LUC7L2: variants seen among roughly 807,000 people sequenced by gnomAD.
LUC7L2 encodes putative RNA-binding protein Luc7-like 2.
LUC7L2 carries 25 observed loss-of-function variants against 52.8 expected under a neutral mutation model. The ratio of observed to expected loss-of-function variants is 0.47; its 90% CI spans 0.34 to 0.66. The LOEUF is 0.66. Ranked by LOEUF, LUC7L2 falls within the 30% of genes least tolerant of loss-of-function variation. The pLI, the probability that LUC7L2 is intolerant of heterozygous loss-of-function variation, is 0.01. For synonymous variants in LUC7L2, 144 were observed against 160.9 expected (o/e 0.89, Z 0.80); for missense variants, 328 against 497.8 (o/e 0.66, Z 3.25).
At chr7:139,344,912 A>G (rs1364346698) in intron 1 of LUC7L2, 1 of 144,830 alleles carries the variant, frequency 6.9e-6, no homozygotes. Context: ...ACAGGGTTTC[A>G]CCGTGTTAGC....
intron 1 of LUC7L2, chr7:139,340,574 T>C: frequency 2.5e-6 from 1 of 397,884 alleles, no homozygotes; most frequent in East Asian, 3.6e-5. Context: ...ACTCCCAGCA[T>C]ACGTCACCCC....
intron 4 of LUC7L2, among the ~76,000 whole-genome samples, chr7:139,404,232 G>A (rs1366256590): frequency 1.3e-5 from 2 of 152,120 alleles, no homozygotes; most frequent in Non-Finnish European, 2.9e-5. Context: ...ACCTTCGGCC[G>A]GGCGTGGTGG....
At chr7:139,377,102 T>C (rs1443799333) in intron 2 of LUC7L2, among the ~76,000 whole-genome samples, 1 of 152,228 alleles carries the variant, frequency 6.6e-6, no homozygotes, top group African/African-American at 2.4e-5. Context: ...CTAAGTTTAT[T>C]TTAAAGTATA....
At chr7:139,405,828 G>A in intron 5 of LUC7L2, 41 bp downstream of exon 5, 1 of 1,549,366 alleles carries the variant, frequency 6.5e-7, no homozygotes, top group South Asian at 1.3e-5. Flanking sequence ...GCTTAATTTG[G>A]TAAGACTACA....
Position 139,362,753 on chromosome 7 carries a change from A to G in LUC7L2, c.61+2431A>G, listed in dbSNP as rs571855439. Among the ~76,000 whole-genome samples the G allele has an allele frequency of 6.1e-4, 93 of 151,910 alleles. 1 individual carries two copies. The highest frequency in any genetic ancestry group is 2.2e-3 in the African/African-American group (92 of 41,394). The stretch of plus-strand genomic sequence containing the variant: ...TGTGAAGGAATCTGAAGTGGCACAG[A>G]GTCCTGGGGCTTTGGGAAAACATTA... On this transcript the variant is annotated intron_variant, in intron 1 of 9. Transcript: ENST00000354926.
chr7:139,360,159 C>T lies in LUC7L2; in HGVS notation c.-103C>T, dbSNP rs1799788189. The T allele has an allele frequency of 3.5e-6, 3 of 866,810 alleles. No homozygotes were observed. Among genetic ancestry groups the T allele is most frequent in the Non-Finnish European group, 5.2e-6 (3 of 577,314 alleles). 53.7% of individuals were successfully genotyped at this position (866,810 alleles called of 1,614,324 possible). A position where few individuals can be genotyped will look rare whatever the true frequency, so the allele number is the denominator to read the frequency against. On this transcript the variant is annotated 5_prime_UTR_variant, in exon 1 of 10. Coordinates refer to ENST00000354926, the MANE Select transcript of LUC7L2 (RefSeq NM_016019.5). ...CACGCCTCGAGGCGGCGGCGGCCAC[C>T]GAGACAGCAGCGCACCTTCCCCCAT...
At chr7:139,380,715 C>T (rs912773354) in intron 2 of LUC7L2, among the ~76,000 whole-genome samples, 1 of 152,214 alleles carries the variant, frequency 6.6e-6, no homozygotes, top group Admixed American at 6.5e-5. Context: ...GCTAAACTCA[C>T]TGTAGGCAGT....
At chr7:139,407,574 G>A (rs558354419) in intron 6 of LUC7L2, among the ~76,000 whole-genome samples, 104 of 152,184 alleles carry the variant, frequency 6.8e-4, no homozygotes, top group Non-Finnish European at 1.4e-3. Flanking sequence ...TTTTATATTA[G>A]ATATGACACC....
chr7:139,397,558 C>A (rs1266312821), intron 2 of LUC7L2, among the ~76,000 whole-genome samples: 1 of 152,176 alleles, frequency 6.6e-6, no homozygotes, highest in African/African-American at 2.4e-5. Context: ...TTTTTACCAA[C>A]CCTCCAGAGA....
rs1795269511 is a variant in LUC7L2 at position 139,409,626 on chromosome 7, G to C, written c.751G>C (p.Glu251Gln). 5.0e-6 allele frequency: 8 copies of C among 1,611,392 alleles called. No individual in the cohort carries two copies. Among genetic ancestry groups the C allele is most frequent in the Non-Finnish European group, 6.8e-6 (8 of 1,178,542 alleles). The part of the protein sequence containing the change: ...QERLKRREER[E>Q]REEREKLRRS... ...ACGGCTGAAACGAAGAGAAGAGAGA[G>C]AGAGAGAAGAAAGGGAGAAGCTGAG... The change falls in exon 7 of 10, where the codon GAG (glutamate) becomes CAG (glutamine). Residue 251 changes from glutamate (E) to glutamine (Q), a missense_variant. Glu to Gln is a conservative substitution (Grantham distance 29, BLOSUM62 2). Coordinates refer to ENST00000354926, the MANE Select transcript of LUC7L2 (RefSeq NM_016019.5).
chr7:139,423,071 GTTTTA>G lies in LUC7L2; in HGVS notation c.*736_*740del, dbSNP rs538777581. The G allele has an allele frequency of 2.6e-4, 103 of 398,876 alleles. No homozygotes were observed. The highest frequency in any genetic ancestry group is 7.8e-4 in the East Asian group (22 of 28,072). 24.7% of individuals were successfully genotyped at this position (398,876 alleles called of 1,614,324 possible). Reference sequence around the variant, plus strand: ...GGGACTCTTTTCGTAATAAGCACTTGTTTTATTTTGTGTGTGTGGAGTATAAAGGC... The same window carrying G: ...GGGACTCTTTTCGTAATAAGCACTTGTTTTGTGTGTGTGGAGTATAAAGGC... On this transcript the variant is annotated 3_prime_UTR_variant, in exon 10 of 10. Coordinates refer to ENST00000354926, the MANE Select transcript of LUC7L2 (RefSeq NM_016019.5).
chr7:139,397,377 T>C (rs561373751), intron 2 of LUC7L2, among the ~76,000 whole-genome samples: 6 of 152,370 alleles, frequency 3.9e-5, no homozygotes, highest in African/African-American at 1.4e-4. Flanking sequence ...TTACATCATC[T>C]GACTTTGTTC....
At chr7:139,402,779 C>T (rs1302137627) in intron 4 of LUC7L2, among the ~76,000 whole-genome samples, 2 of 152,204 alleles carry the variant, frequency 1.3e-5, no homozygotes, top group Non-Finnish European at 2.9e-5. Flanking sequence ...CCACCTTGGC[C>T]TCCCAAAGTG....
chr7:139,398,805 T>TTA (rs1400423283), intron 3 of LUC7L2, 108 bp downstream of exon 3: 1 of 966,760 alleles, frequency 1.0e-6, no homozygotes, highest in Admixed American at 3.1e-5. Flanking sequence ...TATCCTCTGG[T>TTA]TATATGAAGG....
chr7:139,393,438 T>TA (rs1158684553), intron 2 of LUC7L2, among the ~76,000 whole-genome samples: 4 of 151,678 alleles, frequency 2.6e-5, no homozygotes, highest in Non-Finnish European at 4.4e-5. Context: ...TCTAAAAAAG[T>TA]AAAAATAAAT....
At position 139,386,206 on chromosome 7, in the gene LUC7L2, T is replaced by C. The variant is rs550899601; in HGVS notation, c.156+10050T>C. Among the ~76,000 whole-genome samples, 170 of 151,974 alleles carry C rather than the reference T, an allele frequency of 1.1e-3. 1 individual carries two copies. The highest frequency in any genetic ancestry group is 3.8e-3 in the African/African-American group (159 of 41,438). On this transcript the variant is annotated intron_variant, in intron 2 of 9. Coordinates refer to ENST00000354926, the MANE Select transcript of LUC7L2 (RefSeq NM_016019.5). ...TTAGTAGAGATGGGGTTTCACCATGTTGGCTAAGCTGGTCTTAACTCCTGG... is the reference window on the plus strand; with the variant it reads ...TTAGTAGAGATGGGGTTTCACCATGCTGGCTAAGCTGGTCTTAACTCCTGG...
intron 2 of LUC7L2, among the ~76,000 whole-genome samples, chr7:139,389,238 G>A (rs895254697): frequency 2.0e-5 from 3 of 151,764 alleles, no homozygotes; most frequent in African/African-American, 7.3e-5. Context: ...TTATTGTGTC[G>A]TATTTCTGCC....
chr7:139,383,317 C>T (rs1438253311), intron 2 of LUC7L2, among the ~76,000 whole-genome samples: 1 of 152,034 alleles, frequency 6.6e-6, no homozygotes, highest in Non-Finnish European at 1.5e-5. Flanking sequence ...CGGGGTTTCT[C>T]CAGTTGGTCA....
chr7:139,376,273 T>A, intron 2 of LUC7L2, 117 bp downstream of exon 2: 1 of 1,017,622 alleles, frequency 9.8e-7, no homozygotes, highest in Non-Finnish European at 1.4e-6. Context: ...TTGCATCCTT[T>A]ATTGTTTGTT....
Sources: allele counts gnomAD v4.1 joint callset (sites outside exome capture counted in the v4.1 genomes callset), GRCh38; gene constraint gnomAD v4.1.1; transcripts MANE v1.5; gene names NCBI Gene and HGNC (gene_info 2026-07-23, HGNC 2026-07-21).